DLG2: variants seen among roughly 807,000 people sequenced by gnomAD.
DLG2 encodes the protein disks large homolog 2.
DLG2 carries 45 observed loss-of-function variants against 132.5 expected under a neutral mutation model. The observed-to-expected ratio is 0.34, with a 90% CI of 0.27 to 0.44. DLG2 has a LOEUF of 0.44. Ranked by LOEUF, DLG2 falls within the 20% of genes least tolerant of loss-of-function variation. The pLI, the probability that DLG2 is intolerant of heterozygous loss-of-function variation, is 1.00. For missense variants in DLG2, 1,045 were observed against 1,196.9 expected, an observed-to-expected ratio of 0.87 and a Z score of 1.87; for synonymous variants, 424 against 419.6, an observed-to-expected ratio of 1.01 and a Z score of -0.13.
intron 15 of DLG2, among the ~76,000 whole-genome samples, chr11:83,883,307 G>C (rs2154077125): frequency 6.6e-6 from 1 of 151,966 alleles, no homozygotes; most frequent in South Asian, 2.1e-4. Context: ...TAAAATATTT[G>C]GCATACCGAA....
chr11:83,963,158 G>A, intron 13 of DLG2, 135 bp from the exon 14 acceptor site: 1 of 901,382 alleles, frequency 1.1e-6, no homozygotes, highest in East Asian at 2.5e-5. Flanking sequence ...CTCCCAGAGG[G>A]GGGAGTTGCA....
At chr11:85,335,059 C>T (rs1404995840) in intron 3 of DLG2, among the ~76,000 whole-genome samples, 1 of 152,076 alleles carries the variant, frequency 6.6e-6, no homozygotes, top group Non-Finnish European at 1.5e-5. Context: ...ATCTAAGTCT[C>T]TTTGAAGACC....
intron 15 of DLG2, among the ~76,000 whole-genome samples, chr11:83,905,728 A>G (rs975941372): frequency 2.0e-5 from 3 of 152,096 alleles, no homozygotes; most frequent in African/African-American, 7.2e-5. Flanking sequence ...AAATTCCCTA[A>G]ATGCCCCAAT....
intron 6 of DLG2, among the ~76,000 whole-genome samples, chr11:84,583,015 C>T (rs1004449171): frequency 6.6e-6 from 1 of 152,130 alleles, no homozygotes; most frequent in African/African-American, 2.4e-5. Context: ...CTTATGCTGA[C>T]CCAATAAAAG....
chr11:84,025,936 C>T (rs4944457), intron 11 of DLG2, among the ~76,000 whole-genome samples: 40,647 of 151,808 alleles, frequency 0.27, 5,684 homozygotes, highest in East Asian at 0.44. Flanking sequence ...AGGGTTGGAT[C>T]AGACAGGAAA....
chr11:83,661,471 G>A (rs997731399), intron 18 of DLG2, among the ~76,000 whole-genome samples: 2 of 152,164 alleles, frequency 1.3e-5, no homozygotes, highest in Non-Finnish European at 2.9e-5. Context: ...ATTAACGTGT[G>A]TGGAGCACCT....
At chr11:83,719,738 A>G (rs1041266666) in intron 18 of DLG2, among the ~76,000 whole-genome samples, 2 of 152,208 alleles carry the variant, frequency 1.3e-5, no homozygotes, top group African/African-American at 4.8e-5. Context: ...GAAAATTACA[A>G]CGAGAAGTTT....
chr11:84,954,882 G>C (rs1317369279), intron 6 of DLG2, among the ~76,000 whole-genome samples: 1 of 152,114 alleles, frequency 6.6e-6, no homozygotes, highest in African/African-American at 2.4e-5. Context: ...GCATAAAAAT[G>C]TATTAGTTTA....
At chr11:83,813,321 A>G (rs1410419841) in intron 17 of DLG2, among the ~76,000 whole-genome samples, 1 of 152,218 alleles carries the variant, frequency 6.6e-6, no homozygotes, top group African/African-American at 2.4e-5. Context: ...ACAATTTCAA[A>G]GTGAGAACAA....
intron 6 of DLG2, among the ~76,000 whole-genome samples, chr11:84,768,940 GA>G (rs964446220): frequency 2.6e-5 from 4 of 151,922 alleles, no homozygotes; most frequent in South Asian, 2.1e-4. Flanking sequence ...AAAGAGAAGA[GA>G]AAAAAATATA....
intron 18 of DLG2, among the ~76,000 whole-genome samples, chr11:83,676,075 T>C (rs1277727221): frequency 6.6e-6 from 1 of 152,186 alleles, no homozygotes; most frequent in Non-Finnish European, 1.5e-5. Flanking sequence ...TAAGGACTCA[T>C]AATGTCCTGG....
intron 5 of DLG2, among the ~76,000 whole-genome samples, chr11:85,128,580 T>C (rs2075383531): frequency 6.6e-6 from 1 of 152,184 alleles, no homozygotes; most frequent in South Asian, 2.1e-4. Flanking sequence ...TATTGACTCC[T>C]TGCATTTCAT....
chr11:85,216,264 T>A (rs1254938743), intron 4 of DLG2, among the ~76,000 whole-genome samples: 1 of 152,156 alleles, frequency 6.6e-6, no homozygotes, highest in African/African-American at 2.4e-5. Context: ...AAATAGCCAG[T>A]CTTGACCCCT....
In DLG2 at chr11:85,266,787, C is replaced by A. The variant is rs11234327; in HGVS notation, c.186+18433G>T. On this transcript the variant is annotated intron_variant, in intron 4 of 27. Coordinates refer to ENST00000376104, the MANE Select transcript of DLG2 (RefSeq NM_001142699.3). ...ATATTTTGTACGCCCACTTTGCTTT[C>A]TTTTACTCAGAACCCTCAATTCTGA... is the stretch of plus-strand genomic sequence containing the variant. Among the ~76,000 whole-genome samples the A allele has an allele frequency of 6.6e-5, 10 of 152,274 alleles. No homozygotes were observed. In the South Asian group the frequency reaches 8.3e-4, roughly 13 times the overall value.
chr11:84,465,573 T>C (rs953488434), intron 7 of DLG2, among the ~76,000 whole-genome samples: 2 of 151,282 alleles, frequency 1.3e-5, no homozygotes, highest in Non-Finnish European at 3.0e-5. Flanking sequence ...ATAATATTTA[T>C]GCATGTGAAA....
At position 84,974,486 on chromosome 11, in the gene DLG2, A is replaced by G. The variant is rs538757429; in HGVS notation, c.357+137175T>C. 5.3e-5 allele frequency among the ~76,000 whole-genome samples: 8 copies of G among 152,344 alleles called. No homozygotes were observed. In the East Asian group the frequency reaches 1.3e-3, roughly 26 times the overall value. ...CTGGGTTGCAAAATAAATAATTAAG[A>G]TAAAACATCTGGAATGGTTAGCATA... On this transcript the variant is annotated intron_variant, in intron 6 of 27. Transcript: ENST00000376104.
At chr11:83,781,402 T>G in intron 18 of DLG2, among the ~76,000 whole-genome samples, 1 of 152,194 alleles carries the variant, frequency 6.6e-6, no homozygotes, top group African/African-American at 2.4e-5. Flanking sequence ...ATTGAATGAA[T>G]GTATAAATGA....
chr11:83,910,542 A>G (rs2075858516), intron 15 of DLG2, among the ~76,000 whole-genome samples: 1 of 152,170 alleles, frequency 6.6e-6, no homozygotes, highest in Admixed American at 6.5e-5. Context: ...ACATAGTTTC[A>G]AATAGCTAGA....
chr11:84,222,111 C>T (rs1428652649), intron 8 of DLG2, among the ~76,000 whole-genome samples: 1 of 152,078 alleles, frequency 6.6e-6, no homozygotes, highest in Non-Finnish European at 1.5e-5. Flanking sequence ...CGGCTCACTG[C>T]AACCTCCACC....
Sources: allele counts gnomAD v4.1 joint callset (sites outside exome capture counted in the v4.1 genomes callset), GRCh38; gene constraint gnomAD v4.1.1; transcripts MANE v1.5; gene names NCBI Gene and HGNC (gene_info 2026-07-23, HGNC 2026-07-21).